IQSEC1: variants seen among roughly 807,000 people sequenced by gnomAD.
IQSEC1 encodes IQ motif and Sec7 domain ArfGEF 1.
In IQSEC1, 31 loss-of-function variants were observed where a neutral mutation model predicts 91.0. The observed-to-expected ratio is 0.34, with a 90% CI of 0.26 to 0.46. IQSEC1 has a LOEUF of 0.46. IQSEC1 is among the 20% of genes least tolerant of loss of function. The pLI, the probability that IQSEC1 is intolerant of heterozygous loss-of-function variation, is 1.00. For synonymous variants in IQSEC1, 699 were observed against 662.6 expected (o/e 1.05, Z -0.84); for missense variants, 1,388 against 1,575.6 (o/e 0.88, Z 2.02).
intron 1 of IQSEC1, among the ~76,000 whole-genome samples, chr3:13,021,662 A>T (rs1383048786): frequency 6.6e-6 from 1 of 152,216 alleles, no homozygotes; most frequent in Non-Finnish European, 1.5e-5. Context: ...TCACTACACC[A>T]AGCGCTGAAG....
At chr3:12,942,237 A>G (rs933274072) in intron 1 of IQSEC1, among the ~76,000 whole-genome samples, 2 of 152,252 alleles carry the variant, frequency 1.3e-5, no homozygotes, top group Admixed American at 6.5e-5. Flanking sequence ...GCAGGTGCTC[A>G]GCAATTACTG....
At chr3:13,157,280 G>A (rs905992659) in intron 2 of IQSEC1, among the ~76,000 whole-genome samples, 2 of 152,172 alleles carry the variant, frequency 1.3e-5, no homozygotes, top group East Asian at 3.8e-4. Flanking sequence ...CTTCTAAACA[G>A]TCAGTTATTA....
At chr3:12,987,151 G>A (rs898111748) in intron 1 of IQSEC1, 34 of 235,064 alleles carry the variant, frequency 1.4e-4, no homozygotes, top group East Asian at 1.2e-3. Flanking sequence ...CCGAGTCAGC[G>A]CCAGCCAGAC....
chr3:13,260,400 G>A (rs975610475), intron 1 of IQSEC1, among the ~76,000 whole-genome samples: 1 of 152,214 alleles, frequency 6.6e-6, no homozygotes, highest in Admixed American at 6.5e-5. Context: ...ACGGGCTGAT[G>A]TGCAACACCC....
chr3:12,951,131 A>G lies in IQSEC1; in HGVS notation c.24-9266T>C, dbSNP rs1454464712. On this transcript the variant is annotated intron_variant, in intron 1 of 13. Coordinates refer to ENST00000613206, the MANE Select transcript of IQSEC1 (RefSeq NM_001134382.3). ...GCCTCTAAAAAACTTTTAAAAAGTTATAATAAAAGGGCTGGGCATGGCGGC... is the reference window on the plus strand; with the variant it reads ...GCCTCTAAAAAACTTTTAAAAAGTTGTAATAAAAGGGCTGGGCATGGCGGC... 3.3e-5 allele frequency among the ~76,000 whole-genome samples: 5 copies of G among 152,332 alleles called. No homozygotes were observed. In the East Asian group the frequency reaches 9.7e-4, roughly 29 times the overall value.
At chr3:13,014,699 C>T (rs1703036975) in intron 1 of IQSEC1, among the ~76,000 whole-genome samples, 1 of 152,168 alleles carries the variant, frequency 6.6e-6, no homozygotes, top group African/African-American at 2.4e-5. Flanking sequence ...ATCTGTTGAA[C>T]TCCCTGATGA....
chr3:13,115,933 G>C (rs1706327587), intron 2 of IQSEC1, among the ~76,000 whole-genome samples: 1 of 152,214 alleles, frequency 6.6e-6, no homozygotes, highest in East Asian at 1.9e-4. Flanking sequence ...CAAAAGGTTA[G>C]CATCGGAAGC....
intron 2 of IQSEC1, among the ~76,000 whole-genome samples, chr3:13,154,670 G>C (rs548247131): frequency 6.6e-6 from 1 of 150,484 alleles, no homozygotes; most frequent in African/African-American, 2.5e-5. Context: ...TCAACAGAAC[G>C]CAGAGTCCTC....
intron 2 of IQSEC1, among the ~76,000 whole-genome samples, chr3:13,109,016 C>T (rs1706197860): frequency 6.6e-6 from 1 of 152,310 alleles, no homozygotes; most frequent in South Asian, 2.1e-4. Flanking sequence ...TGGGGCCTGG[C>T]CATGGATGCA....
At chr3:13,200,214 G>A (rs1275226831) in intron 1 of IQSEC1, among the ~76,000 whole-genome samples, 2 of 141,904 alleles carry the variant, frequency 1.4e-5, no homozygotes, top group East Asian at 4.3e-4. Flanking sequence ...CACACTATAT[G>A]CATACACCAG....
intron 2 of IQSEC1, among the ~76,000 whole-genome samples, chr3:13,161,861 T>C (rs191496249): frequency 7.2e-5 from 11 of 152,256 alleles, no homozygotes; most frequent in Admixed American, 1.3e-4. Context: ...AGCTGGGACA[T>C]ATGCTCGGCT....
intron 2 of IQSEC1, among the ~76,000 whole-genome samples, chr3:13,108,440 G>A (rs371028591): frequency 2.0e-5 from 3 of 152,078 alleles, no homozygotes; most frequent in Non-Finnish European, 4.4e-5. Flanking sequence ...CAGTGCAAGC[G>A]CCTGCACTGC....
intron 1 of IQSEC1, among the ~76,000 whole-genome samples, chr3:13,260,410 C>T (rs192787120): frequency 8.9e-4 from 135 of 152,310 alleles, no homozygotes; most frequent in African/African-American, 3.1e-3. Flanking sequence ...GTGCAACACC[C>T]CCATTAATCC....
intron 1 of IQSEC1, among the ~76,000 whole-genome samples, chr3:13,210,847 C>T (rs1216672842): frequency 2.6e-5 from 4 of 152,176 alleles, no homozygotes; most frequent in Admixed American, 1.3e-4. Context: ...TGTAAACAAA[C>T]GCCATCCACA....
At chr3:13,090,922 G>A (rs1200124543) in intron 2 of IQSEC1, among the ~76,000 whole-genome samples, 3 of 152,174 alleles carry the variant, frequency 2.0e-5, no homozygotes, top group Non-Finnish European at 2.9e-5. Context: ...AGCCCTGTGC[G>A]GAATTTGAAC....
chr3:12,989,171 G>T (rs1701876050), intron 1 of IQSEC1, among the ~76,000 whole-genome samples: 2 of 152,182 alleles, frequency 1.3e-5, no homozygotes, highest in Admixed American at 6.5e-5. Flanking sequence ...TGTATTGTGG[G>T]TCTCTTGCCA....
intron 1 of IQSEC1, chr3:13,053,160 A>C: frequency 2.6e-6 from 2 of 757,158 alleles, no homozygotes; most frequent in Non-Finnish European, 4.9e-6. Flanking sequence ...ACGATGATGG[A>C]GAAAGGAAGA....
intron 1 of IQSEC1, among the ~76,000 whole-genome samples, chr3:13,052,444 C>T (rs1008758040): frequency 2.6e-5 from 4 of 152,200 alleles, no homozygotes; most frequent in African/African-American, 4.8e-5. Context: ...ACCATTCATC[C>T]GCTGAGGGCA....
intron 1 of IQSEC1, among the ~76,000 whole-genome samples, chr3:13,230,657 T>C (rs1349656128): frequency 6.6e-6 from 1 of 152,106 alleles, no homozygotes; most frequent in Non-Finnish European, 1.5e-5. Context: ...TTCAAAGTCA[T>C]GCTCAGGATC....
Sources: allele counts gnomAD v4.1 joint callset (sites outside exome capture counted in the v4.1 genomes callset), GRCh38; gene constraint gnomAD v4.1.1; transcripts MANE v1.5; gene names NCBI Gene and HGNC (gene_info 2026-07-23, HGNC 2026-07-21).